Variants in L3MBTL4 observed in about 807,000 individuals in gnomAD.
L3MBTL4 encodes lethal(3)malignant brain tumor-like protein 4.
A neutral mutation model predicts 84.5 loss-of-function variants in L3MBTL4; 70 were observed. The ratio of observed to expected loss-of-function variants is 0.83; its 90% CI spans 0.68 to 1.01. The LOEUF is 1.01. Among genes scored for constraint, L3MBTL4 ranks in the 50% least tolerant of loss-of-function variants. The pLI is 0.00. For missense variants in L3MBTL4, 715 were observed against 754.8 expected (o/e 0.95, Z 0.62); for synonymous variants, 274 against 259.8 (o/e 1.05, Z -0.52).
chr18:6,328,189 C>T (rs1171214192), intron 1 of L3MBTL4, among the ~76,000 whole-genome samples: 1 of 152,148 alleles, frequency 6.6e-6, no homozygotes, highest in Non-Finnish European at 1.5e-5. Flanking sequence ...TGCTGCTGCC[C>T]CTGGCTACAT....
At position 6,149,293 on chromosome 18, in the gene L3MBTL4, A is replaced by G. The variant is rs1042976326; in HGVS notation, c.1097-10997T>C. Among the ~76,000 whole-genome samples the G allele has an allele frequency of 1.0e-4, 15 of 148,482 alleles. No individual in the cohort carries two copies. The East Asian group carries it at 2.8e-3, about 28-fold the overall frequency. The stretch of plus-strand genomic sequence containing the variant: ...AATTCCCACCTATGAGTGAGAACAT[A>G]TGGTGTTTGGTTTTTTGTCCTTGCG... On this transcript the variant is annotated intron_variant, in intron 13 of 18. Coordinates refer to ENST00000317931, the MANE Select transcript of L3MBTL4 (RefSeq NM_001330559.2).
intron 16 of L3MBTL4, among the ~76,000 whole-genome samples, chr18:6,017,175 C>G (rs2145452228): frequency 6.6e-6 from 1 of 152,304 alleles, no homozygotes; most frequent in East Asian, 1.9e-4. Context: ...TTCAGCATCT[C>G]CAGCAGAGAT....
chr18:6,051,341 C>A (rs1227947949), intron 16 of L3MBTL4, among the ~76,000 whole-genome samples: 5 of 152,174 alleles, frequency 3.3e-5, no homozygotes, highest in Admixed American at 6.5e-5. Flanking sequence ...GAGTTCGAGA[C>A]CAGCCTGGCC....
intron 1 of L3MBTL4, among the ~76,000 whole-genome samples, chr18:6,346,441 A>G (rs972597794): frequency 6.6e-6 from 1 of 152,046 alleles, no homozygotes; most frequent in Non-Finnish European, 1.5e-5. Flanking sequence ...CAAACCATAC[A>G]TTTGATAAGG....
At chr18:6,024,131 C>T (rs1188719231) in intron 16 of L3MBTL4, among the ~76,000 whole-genome samples, 1 of 152,194 alleles carries the variant, frequency 6.6e-6, no homozygotes, top group African/African-American at 2.4e-5. Context: ...CCCGCCTCAG[C>T]CTCCCAAAGT....
chr18:6,252,927 G>A (rs1411414729), intron 5 of L3MBTL4, among the ~76,000 whole-genome samples: 5 of 152,202 alleles, frequency 3.3e-5, no homozygotes, highest in African/African-American at 1.2e-4. Flanking sequence ...CCTGGGGCCG[G>A]GTGCGGTGGC....
At chr18:6,317,071 C>T (rs911065477) in intron 1 of L3MBTL4, among the ~76,000 whole-genome samples, 1 of 152,046 alleles carries the variant, frequency 6.6e-6, no homozygotes, top group African/African-American at 2.4e-5. Flanking sequence ...GAGATCTCTG[C>T]CATTCCAACC....
chr18:6,023,664 G>A (rs1478954827), intron 16 of L3MBTL4, among the ~76,000 whole-genome samples: 1 of 152,170 alleles, frequency 6.6e-6, no homozygotes, highest in Non-Finnish European at 1.5e-5. Context: ...CCTGGAAGAG[G>A]TATTTAAAGT....
chr18:6,316,348 C>T (rs2051098550), intron 1 of L3MBTL4, among the ~76,000 whole-genome samples: 2 of 152,180 alleles, frequency 1.3e-5, no homozygotes, highest in South Asian at 2.1e-4. Flanking sequence ...AGGGGAAGTG[C>T]ACCACATCAA....
At chr18:6,217,036 A>G (rs1481101301) in intron 10 of L3MBTL4, among the ~76,000 whole-genome samples, 3 of 152,210 alleles carry the variant, frequency 2.0e-5, no homozygotes, top group Non-Finnish European at 4.4e-5. Context: ...CTTTAAGCAG[A>G]AAGTCTGAAG....
intron 1 of L3MBTL4, among the ~76,000 whole-genome samples, chr18:6,399,205 C>T (rs759112991): frequency 1.2e-4 from 18 of 152,072 alleles, no homozygotes; most frequent in Non-Finnish European, 2.1e-4. Flanking sequence ...GTTGGAAGGC[C>T]GAGGAGGGGA....
intron 16 of L3MBTL4, among the ~76,000 whole-genome samples, chr18:5,982,439 A>C (rs1230706938): frequency 6.6e-6 from 1 of 152,180 alleles, no homozygotes; most frequent in Admixed American, 6.5e-5. Context: ...AGAACATTCA[A>C]TTAGTCTGAA....
intron 4 of L3MBTL4, among the ~76,000 whole-genome samples, chr18:6,298,729 C>T (rs1024277328): frequency 5.9e-5 from 9 of 152,034 alleles, no homozygotes; most frequent in African/African-American, 2.2e-4. Flanking sequence ...AAAAAATTAG[C>T]CAGGCGTGGT....
chr18:6,025,397 T>C (rs1355975740), intron 16 of L3MBTL4, among the ~76,000 whole-genome samples: 1 of 152,198 alleles, frequency 6.6e-6, no homozygotes, highest in African/African-American at 2.4e-5. Flanking sequence ...CCAAGGTTCA[T>C]CTCATCTTTT....
At chr18:6,153,253 G>GA (rs1230813349) in intron 13 of L3MBTL4, among the ~76,000 whole-genome samples, 2 of 152,084 alleles carry the variant, frequency 1.3e-5, no homozygotes, top group Admixed American at 6.5e-5. Flanking sequence ...CTATTTCTGT[G>GA]AAAAATGCCA....
intron 16 of L3MBTL4, among the ~76,000 whole-genome samples, chr18:6,037,487 T>C (rs2056194427): frequency 6.6e-6 from 1 of 152,200 alleles, no homozygotes; most frequent in African/African-American, 2.4e-5. Flanking sequence ...TCTTCCAGAA[T>C]CTTCTCCCAA....
chr18:6,093,608 C>A, intron 14 of L3MBTL4, 80 bp from the exon 15 acceptor site: 1 of 1,152,154 alleles, frequency 8.7e-7, no homozygotes, highest in South Asian at 2.1e-5. Flanking sequence ...AGCAGACTTA[C>A]ACCTAATATT....
chr18:6,120,277 A>G (rs1188624369), intron 14 of L3MBTL4, among the ~76,000 whole-genome samples: 3 of 152,100 alleles, frequency 2.0e-5, no homozygotes, highest in Non-Finnish European at 4.4e-5. Context: ...CCTGCTTGCT[A>G]ATGGCCTTTA....
chr18:6,283,527 T>C (rs1158750279), intron 4 of L3MBTL4, among the ~76,000 whole-genome samples: 1 of 152,106 alleles, frequency 6.6e-6, no homozygotes, highest in Non-Finnish European at 1.5e-5. Flanking sequence ...CTAAATAGTT[T>C]TAAAAACAGT....
Sources: allele counts gnomAD v4.1 joint callset (sites outside exome capture counted in the v4.1 genomes callset), GRCh38; gene constraint gnomAD v4.1.1; transcripts MANE v1.5; gene names NCBI Gene and HGNC (gene_info 2026-07-23, HGNC 2026-07-21).